The following COL4A1 variants were observed in gnomAD, a reference collection of about 807,000 sequenced individuals.
The protein encoded by COL4A1 is collagen type IV alpha 1 chain.
COL4A1 carries 40 observed loss-of-function variants against 216.6 expected under a neutral mutation model. The observed-to-expected ratio is 0.18, with a 90% CI of 0.14 to 0.24. The LOEUF is 0.24. Among genes scored for constraint, COL4A1 ranks in the 10% least tolerant of loss-of-function variants. The pLI is 1.00. For missense variants in COL4A1, 1,628 were observed against 2,196.8 expected (o/e 0.74, Z 5.18); for synonymous variants, 839 against 810.7 (o/e 1.03, Z -0.59).
chr13:110,186,493 G>A lies in COL4A1; in HGVS notation c.1789C>T (p.Arg597Cys), dbSNP rs767374916. The part of the protein sequence containing the change: ...PPGGVGFPGS[R>C]GDTGPPGPPG... Reference sequence around the variant, plus strand: ...GGCCCAGGGGGGCCGGTGTCACCACGACTGCCTGGGAATCCAACTCCTCCA... The same window carrying A: ...GGCCCAGGGGGGCCGGTGTCACCACAACTGCCTGGGAATCCAACTCCTCCA... The change falls in exon 26 of 52, where the codon CGT (arginine) becomes TGT (cysteine). Residue 597 changes from arginine to cysteine, a missense_variant. Physicochemically the swap from Arg to Cys is radical, Grantham distance 180. Transcript: ENST00000375820. The A allele has an allele frequency of 2.5e-6, 4 of 1,613,746 alleles. No individual in the cohort carries two copies. The highest frequency in any genetic ancestry group is 1.1e-5 in the South Asian group (1 of 91,056).
Position 110,148,966 on chromosome 13 carries a change from G to A in COL4A1, c.*1397C>T, listed in dbSNP as rs942385853. The A allele has an allele frequency of 1.3e-5, 2 of 152,680 alleles. No individual in the cohort carries two copies. Among genetic ancestry groups the A allele is most frequent in the Non-Finnish European group, 2.9e-5 (2 of 68,178 alleles). The allele number at this position is 152,680 out of a possible 1,614,324, so 9.5% of individuals were successfully genotyped here. A position where few individuals can be genotyped will look rare whatever the true frequency, so the allele number is the denominator to read the frequency against. ...GAAGTGCAAAATAAAAATAATCTAA[G>A]GTATGCAAAGCTTACAAATTTATTA... is the stretch of plus-strand genomic sequence containing the variant. On this transcript the variant is annotated 3_prime_UTR_variant, in exon 52 of 52. Transcript: ENST00000375820.
chr13:110,295,861 G>A (rs7993601), intron 1 of COL4A1, among the ~76,000 whole-genome samples: 145,444 of 152,360 alleles, frequency 0.95, 69,774 homozygotes, highest in East Asian at 1. Flanking sequence ...GGCTGAGGCA[G>A]CCAGAGATGC....
At chr13:110,250,373 C>A (rs973818891) in intron 1 of COL4A1, among the ~76,000 whole-genome samples, 1 of 152,200 alleles carries the variant, frequency 6.6e-6, no homozygotes, top group Non-Finnish European at 1.5e-5. Flanking sequence ...CAAGAAACCA[C>A]ACGCCTTGAG....
At position 110,187,232 on chromosome 13, in the gene COL4A1, T is replaced by C; in HGVS notation, c.1634A>G (p.Asp545Gly). Residue 545 changes from aspartate to glycine, a missense_variant, in exon 25 of 52, where the codon GAC (aspartate) becomes GGC (glycine). Asp to Gly is a moderately conservative substitution (Grantham distance 94, BLOSUM62 -1). Transcript: ENST00000375820. Reference protein sequence around the residue: ...FDLRLKGDKGDPGFPGQPGMP... With the variant: ...FDLRLKGDKGGPGFPGQPGMP... ...GCCGGGCTGTCCTGGAAAGCCTGGGTCTCCTTTGTCACCTTTGAGCCGCAA... is the reference window on the plus strand; with the variant it reads ...GCCGGGCTGTCCTGGAAAGCCTGGGCCTCCTTTGTCACCTTTGAGCCGCAA... 1.2e-6 allele frequency: 2 copies of C among 1,613,734 alleles called. No homozygotes were observed. Among genetic ancestry groups the C allele is most frequent in the Non-Finnish European group, 1.7e-6 (2 of 1,179,886 alleles).
chr13:110,302,058 C>T (rs1451511857), intron 1 of COL4A1, among the ~76,000 whole-genome samples: 1 of 152,084 alleles, frequency 6.6e-6, no homozygotes, highest in Non-Finnish European at 1.5e-5. Context: ...GATCCTGGCA[C>T]AAGGCAAAGA....
At chr13:110,157,243 C>T (rs116413434) in intron 49 of COL4A1, among the ~76,000 whole-genome samples, 6 of 152,324 alleles carry the variant, frequency 3.9e-5, no homozygotes, top group Admixed American at 1.3e-4. Flanking sequence ...GCGGTCTTTT[C>T]GTCAGAGCAA....
At chr13:110,304,538 GT>G (rs1404624572) in intron 1 of COL4A1, among the ~76,000 whole-genome samples, 2 of 152,184 alleles carry the variant, frequency 1.3e-5, no homozygotes, top group Non-Finnish European at 2.9e-5. Context: ...AGAGTAGAGG[GT>G]GCTCACAATC....
At chr13:110,299,251 C>T (rs1396702922) in intron 1 of COL4A1, among the ~76,000 whole-genome samples, 1 of 152,170 alleles carries the variant, frequency 6.6e-6, no homozygotes. Context: ...TGTCAGTAGC[C>T]GCACCCTCAC....
intron 1 of COL4A1, among the ~76,000 whole-genome samples, chr13:110,273,149 G>A (rs79989811): frequency 1.3e-5 from 2 of 152,212 alleles, no homozygotes; most frequent in South Asian, 4.1e-4. Context: ...CTGGGCCTTT[G>A]GGGCATTATG....
chr13:110,210,064 T>C (rs755879119), intron 9 of COL4A1, 22 bp from the exon 10 acceptor site: 6 of 1,613,996 alleles, frequency 3.7e-6, no homozygotes, highest in Middle Eastern at 1.6e-4. Context: ...GAGAAAGAAA[T>C]GAGTTCAGAT....
chr13:110,272,378 G>A (rs1883275667), intron 1 of COL4A1, among the ~76,000 whole-genome samples: 1 of 152,214 alleles, frequency 6.6e-6, no homozygotes, highest in Non-Finnish European at 1.5e-5. Flanking sequence ...ACAGTATATA[G>A]TGGACTCAAA....
chr13:110,300,488 T>C (rs1254353684), intron 1 of COL4A1, among the ~76,000 whole-genome samples: 2 of 152,246 alleles, frequency 1.3e-5, no homozygotes, highest in Non-Finnish European at 2.9e-5. Context: ...ATAAAATCTT[T>C]AAACAATTTT....
chr13:110,213,033 C>T (rs926813051), intron 4 of COL4A1, among the ~76,000 whole-genome samples: 6 of 152,084 alleles, frequency 3.9e-5, no homozygotes, highest in Non-Finnish European at 2.9e-5. Context: ...AACCAAATAC[C>T]GTATGTTCTC....
At chr13:110,208,672 C>T (rs1461316282) in intron 12 of COL4A1, among the ~76,000 whole-genome samples, 177 bp downstream of exon 12, 1 of 152,142 alleles carries the variant, frequency 6.6e-6, no homozygotes, top group East Asian at 1.9e-4. Context: ...ACTGAATAAG[C>T]TAGAATAAAT....
intron 22 of COL4A1, among the ~76,000 whole-genome samples, chr13:110,194,739 C>T (rs187118268): frequency 6.6e-6 from 1 of 152,308 alleles, no homozygotes; most frequent in Admixed American, 6.5e-5. Flanking sequence ...TGAGTTTTAT[C>T]TGCTGACCAC....
At chr13:110,266,070 G>C (rs1313934354) in intron 1 of COL4A1, 2 of 152,214 alleles carry the variant, frequency 1.3e-5, no homozygotes, top group East Asian at 3.9e-4. Flanking sequence ...ACAGCAAGCA[G>C]GGGGACTGAG....
At chr13:110,178,869 G>T in intron 31 of COL4A1, 54 bp downstream of exon 31, 1 of 1,390,964 alleles carries the variant, frequency 7.2e-7, no homozygotes, top group Non-Finnish European at 1.0e-6. Context: ...CATCCCCCAT[G>T]CTTCAGAAAA....
chr13:110,230,082 C>A (rs1016569377), intron 2 of COL4A1, among the ~76,000 whole-genome samples: 2 of 151,894 alleles, frequency 1.3e-5, no homozygotes, highest in African/African-American at 4.8e-5. Flanking sequence ...CAGAACCAAG[C>A]CCAAAACAGG....
chr13:110,232,934 G>T (rs984120030), intron 2 of COL4A1, among the ~76,000 whole-genome samples: 2 of 152,162 alleles, frequency 1.3e-5, no homozygotes, highest in African/African-American at 4.8e-5. Flanking sequence ...AGATTTTACG[G>T]TGGGCAGAAC....
Sources: allele counts gnomAD v4.1 joint callset (sites outside exome capture counted in the v4.1 genomes callset), GRCh38; gene constraint gnomAD v4.1.1; transcripts MANE v1.5; gene names NCBI Gene and HGNC (gene_info 2026-07-23, HGNC 2026-07-21).